The following GPR39 variants were observed in gnomAD, a reference collection of about 807,000 sequenced individuals.
GPR39 encodes the protein G protein-coupled receptor 39, also known as zinc sensing receptor.
GPR39 carries 23 observed loss-of-function variants against 18.4 expected under a neutral mutation model. The observed-to-expected ratio is 1.25, with a 90% confidence interval of 0.90 to 1.77. The LOEUF is 1.77. Among genes scored for constraint, GPR39 ranks in the 40% most tolerant of loss-of-function variants. The probability of loss-of-function intolerance (pLI) is 0.00; values close to 1 mark genes in which losing one functional copy is unlikely to be tolerated. For missense variants in GPR39, 647 were observed against 602.4 expected (o/e 1.07, Z -0.78); for synonymous variants, 280 against 257.9 (o/e 1.09, Z -0.82).
chr2:132,503,282 C>T (rs1043517319), intron 1 of GPR39, among the ~76,000 whole-genome samples: 4 of 152,156 alleles, frequency 2.6e-5, no homozygotes, highest in South Asian at 2.1e-4. Context: ...GTGGTGTTCT[C>T]CCCCTTCCTC....
chr2:132,578,576 T>G (rs1266508018), intron 1 of GPR39, among the ~76,000 whole-genome samples: 1 of 152,148 alleles, frequency 6.6e-6, no homozygotes, highest in Non-Finnish European at 1.5e-5. Context: ...AATAATCTGG[T>G]TTATCTTGGA....
intron 1 of GPR39, among the ~76,000 whole-genome samples, chr2:132,583,165 A>AG (rs1680659252): frequency 6.6e-6 from 1 of 152,008 alleles, no homozygotes; most frequent in Non-Finnish European, 1.5e-5. Flanking sequence ...CTCCTTCCTC[A>AG]GCCTTCCAAA....
intron 1 of GPR39, among the ~76,000 whole-genome samples, chr2:132,625,343 CTTT>C (rs113853079): frequency 2.0e-4 from 30 of 152,182 alleles, no homozygotes; most frequent in Middle Eastern, 6.8e-3. Flanking sequence ...GATTATTTAT[CTTT>C]TTTTCTTGTT....
intron 1 of GPR39, among the ~76,000 whole-genome samples, chr2:132,524,653 A>G (rs946806104): frequency 4.6e-5 from 7 of 152,148 alleles, no homozygotes; most frequent in African/African-American, 7.2e-5. Flanking sequence ...CCCAAACAAA[A>G]CAGTCCCTTT....
intron 1 of GPR39, among the ~76,000 whole-genome samples, chr2:132,546,766 C>T (rs572181557): frequency 4.6e-4 from 62 of 134,200 alleles, no homozygotes; most frequent in African/African-American, 1.7e-3. Flanking sequence ...GCCTCTGTGG[C>T]TTGGGCAGAG....
At chr2:132,550,489 CAG>C (rs1680023713) in intron 1 of GPR39, among the ~76,000 whole-genome samples, 1 of 152,202 alleles carries the variant, frequency 6.6e-6, no homozygotes, top group African/African-American at 2.4e-5. Flanking sequence ...TTTGAAAAGA[CAG>C]GGCACATTTA....
intron 1 of GPR39, among the ~76,000 whole-genome samples, chr2:132,492,153 CATAA>C (rs1289496613): frequency 6.8e-6 from 1 of 146,724 alleles, no homozygotes; most frequent in East Asian, 2.0e-4. Flanking sequence ...ATATACACCA[CATAA>C]ATATATACAC....
chr2:132,550,836 A>G (rs1372926080), intron 1 of GPR39, among the ~76,000 whole-genome samples: 1 of 152,194 alleles, frequency 6.6e-6, no homozygotes, highest in Non-Finnish European at 1.5e-5. Flanking sequence ...GACTATTTTT[A>G]TAATGCTGAT....
rs1206976154 is a variant in GPR39, at chr2:132,462,606, T to C, written c.856+44708T>C. ...TTCCTGCCTCCATTTTCTACAGCTC[T>C]TTCCTCCTACATTTTTTTTAAACAC... On this transcript the variant is annotated intron_variant, in intron 1 of 1. Transcript: ENST00000329321. Among the ~76,000 whole-genome samples, 4 of 152,368 alleles carry C rather than the reference T, an allele frequency of 2.6e-5. No homozygotes were observed. In the East Asian group the frequency reaches 7.7e-4, roughly 29 times the overall value.
intron 1 of GPR39, among the ~76,000 whole-genome samples, chr2:132,426,906 T>C (rs1680128037): frequency 6.6e-6 from 1 of 151,848 alleles, no homozygotes; most frequent in Admixed American, 6.6e-5. Context: ...CATGCAGAAA[T>C]GGGGGCAGGC....
chr2:132,573,491 T>C (rs563081258), intron 1 of GPR39, among the ~76,000 whole-genome samples: 2 of 152,004 alleles, frequency 1.3e-5, no homozygotes, highest in African/African-American at 2.4e-5. Flanking sequence ...CCCAGCAAAG[T>C]TGGCAGACAG....
At chr2:132,636,566 T>C (rs976781258) in intron 1 of GPR39, among the ~76,000 whole-genome samples, 13 of 152,200 alleles carry the variant, frequency 8.5e-5, no homozygotes, top group African/African-American at 3.1e-4. Context: ...GCTGGGCCAG[T>C]GCAAACAGCA....
chr2:132,632,182 G>A (rs1336322129), intron 1 of GPR39, among the ~76,000 whole-genome samples: 2 of 152,054 alleles, frequency 1.3e-5, no homozygotes, highest in African/African-American at 4.8e-5. Context: ...GTGGGGGTGG[G>A]GTGGAAGTTC....
intron 1 of GPR39, among the ~76,000 whole-genome samples, chr2:132,556,244 C>T (rs1024281345): frequency 1.3e-5 from 2 of 152,086 alleles, no homozygotes; most frequent in African/African-American, 2.4e-5. Flanking sequence ...TGTAAATGTA[C>T]GAATCAGAGA....
At chr2:132,552,942 ATTT>A (rs201811076) in intron 1 of GPR39, among the ~76,000 whole-genome samples, 1 of 104,836 alleles carries the variant, frequency 9.5e-6, no homozygotes, top group Admixed American at 9.5e-5. Context: ...ACATATATAT[ATTT>A]TTTTTTTTGG....
At chr2:132,513,597 T>C (rs965900838) in intron 1 of GPR39, among the ~76,000 whole-genome samples, 4 of 152,248 alleles carry the variant, frequency 2.6e-5, no homozygotes, top group Non-Finnish European at 5.9e-5. Flanking sequence ...AGCGCACATA[T>C]ACTGTTTTGT....
At chr2:132,533,344 G>C (rs926991161) in intron 1 of GPR39, among the ~76,000 whole-genome samples, 5 of 150,848 alleles carry the variant, frequency 3.3e-5, no homozygotes, top group Non-Finnish European at 7.4e-5. Flanking sequence ...TGAAATAAAA[G>C]AGGATACAAA....
intron 1 of GPR39, among the ~76,000 whole-genome samples, chr2:132,637,750 C>T (rs1558867051): frequency 6.6e-6 from 1 of 152,196 alleles, no homozygotes; most frequent in Non-Finnish European, 1.5e-5. Context: ...TGCAGTCAGT[C>T]CATGGTCAAC....
intron 1 of GPR39, among the ~76,000 whole-genome samples, chr2:132,559,292 A>G (rs1302993446): frequency 6.6e-6 from 1 of 152,188 alleles, no homozygotes; most frequent in East Asian, 1.9e-4. Context: ...GTAGAAAACA[A>G]CAAACCTGAT....
Sources: gnomAD v4.1 joint callset for allele counts (sites outside exome capture counted in the v4.1 genomes callset) on GRCh38, gnomAD v4.1.1 for gene constraint, MANE v1.5 for transcripts, NCBI Gene and HGNC (gene_info 2026-07-23, HGNC 2026-07-21) for gene names.